The following PCDH9 variants were observed in gnomAD, a reference collection of about 807,000 sequenced individuals.
PCDH9 encodes protocadherin 9.
PCDH9 carries 24 observed loss-of-function variants against 70.6 expected under a neutral mutation model. That is an observed-to-expected ratio of 0.34 (90% confidence interval 0.25 to 0.48). PCDH9 has a LOEUF of 0.48. Among genes scored for constraint, PCDH9 ranks in the 20% least tolerant of loss-of-function variants. The probability of loss-of-function intolerance (pLI) is 0.99; values close to 1 mark genes in which losing one functional copy is unlikely to be tolerated. For missense variants in PCDH9, 1,281 were observed against 1,503.6 expected (o/e 0.85, Z 2.45); for synonymous variants, 562 against 558.5 (o/e 1.01, Z -0.09).
At chr13:66,882,422 G>A (rs748044170) in intron 3 of PCDH9, among the ~76,000 whole-genome samples, 1 of 151,944 alleles carries the variant, frequency 6.6e-6, no homozygotes, top group Non-Finnish European at 1.5e-5. Context: ...TAACTTAATG[G>A]TTCCTCTCTA....
chr13:66,911,372 T>C (rs1010008095), intron 2 of PCDH9, among the ~76,000 whole-genome samples: 2 of 152,212 alleles, frequency 1.3e-5, no homozygotes, highest in Non-Finnish European at 2.9e-5. Flanking sequence ...GTAATTACTA[T>C]ACTTCTAACC....
intron 3 of PCDH9, among the ~76,000 whole-genome samples, chr13:66,863,425 T>C (rs2081516359): frequency 6.6e-6 from 1 of 152,220 alleles, no homozygotes. Context: ...GTTGTTTAAA[T>C]AAAACGTATG....
chr13:66,746,394 A>T (rs1315021565), intron 3 of PCDH9, among the ~76,000 whole-genome samples: 2 of 152,200 alleles, frequency 1.3e-5, no homozygotes, highest in East Asian at 3.8e-4. Context: ...TGAAACAATC[A>T]TGAATAAAGA....
At chr13:66,909,620 T>C (rs2082424538) in intron 2 of PCDH9, among the ~76,000 whole-genome samples, 1 of 151,920 alleles carries the variant, frequency 6.6e-6, no homozygotes, top group African/African-American at 2.4e-5. Context: ...ATACAAAAAA[T>C]TAGCCGGGCG....
chr13:66,835,661 A>G (rs1042359396), intron 3 of PCDH9, among the ~76,000 whole-genome samples: 2 of 152,126 alleles, frequency 1.3e-5, no homozygotes, highest in African/African-American at 4.8e-5. Flanking sequence ...ACCACCCAAC[A>G]ATTTTTTTTT....
intron 3 of PCDH9, among the ~76,000 whole-genome samples, chr13:66,687,862 G>A (rs1014416147): frequency 2.0e-5 from 3 of 152,044 alleles, no homozygotes; most frequent in African/African-American, 7.2e-5. Context: ...AGATCTTGAT[G>A]TTCCTGTTGC....
At chr13:66,538,102 C>T (rs967316329) in intron 4 of PCDH9, among the ~76,000 whole-genome samples, 2 of 152,040 alleles carry the variant, frequency 1.3e-5, no homozygotes, top group Non-Finnish European at 2.9e-5. Context: ...AAAAGTCTTT[C>T]GTGCTAGTGG....
chr13:67,141,771 G>A, intron 2 of PCDH9, among the ~76,000 whole-genome samples: 1 of 145,602 alleles, frequency 6.9e-6, no homozygotes, highest in African/African-American at 2.5e-5. Context: ...AAAAAAAGAA[G>A]TTGGGAAACA....
chr13:66,327,586 A>C (rs1662050618), intron 4 of PCDH9, among the ~76,000 whole-genome samples: 1 of 152,236 alleles, frequency 6.6e-6, no homozygotes, highest in Admixed American at 6.5e-5. Context: ...TCCTCATGAA[A>C]GGCAGTGTGG....
chr13:66,660,320 GT>G (rs1387047272), intron 3 of PCDH9, among the ~76,000 whole-genome samples: 2 of 151,350 alleles, frequency 1.3e-5, no homozygotes, highest in Non-Finnish European at 2.9e-5. Context: ...TTTACTGTGA[GT>G]TTCCTTTTTT....
At chr13:66,725,731 G>T (rs2078997439) in intron 3 of PCDH9, among the ~76,000 whole-genome samples, 1 of 152,138 alleles carries the variant, frequency 6.6e-6, no homozygotes. Context: ...GGGTTCAAAT[G>T]AAAATCAAAA....
intron 3 of PCDH9, among the ~76,000 whole-genome samples, chr13:66,854,081 T>TA (rs2081357050): frequency 6.6e-6 from 1 of 152,218 alleles, no homozygotes; most frequent in African/African-American, 2.4e-5. Context: ...GCTGTTCTTT[T>TA]AGCTACTAGT....
chr13:66,651,775 C>T (rs146422640), intron 3 of PCDH9, among the ~76,000 whole-genome samples: 1 of 152,040 alleles, frequency 6.6e-6, no homozygotes, highest in Non-Finnish European at 1.5e-5. Flanking sequence ...AAAATGCTAG[C>T]AAATCAAGTT....
At chr13:66,942,248 C>T (rs1028762401) in intron 2 of PCDH9, among the ~76,000 whole-genome samples, 2 of 151,560 alleles carry the variant, frequency 1.3e-5, no homozygotes, top group African/African-American at 4.8e-5. Flanking sequence ...TAGTTTCTTC[C>T]TCAATAGTTT....
chr13:67,014,325 C>T (rs1594392193), intron 2 of PCDH9, among the ~76,000 whole-genome samples: 1 of 152,050 alleles, frequency 6.6e-6, no homozygotes, highest in African/African-American at 2.4e-5. Context: ...AGCCCAGGCA[C>T]AGTCTTATAC....
intron 3 of PCDH9, among the ~76,000 whole-genome samples, chr13:66,656,638 G>T (rs1270108752): frequency 3.9e-5 from 6 of 152,014 alleles, no homozygotes; most frequent in African/African-American, 1.4e-4. Flanking sequence ...GGGATGGTGG[G>T]GTGGGGGGGC....
At chr13:66,696,543 T>C (rs1396170465) in intron 3 of PCDH9, among the ~76,000 whole-genome samples, 3 of 152,170 alleles carry the variant, frequency 2.0e-5, no homozygotes, top group Admixed American at 2.0e-4. Context: ...CTACATGATA[T>C]ATCTCAGTTT....
At chr13:66,823,529 A>G (rs2139386166) in intron 3 of PCDH9, among the ~76,000 whole-genome samples, 1 of 152,152 alleles carries the variant, frequency 6.6e-6, no homozygotes, top group East Asian at 1.9e-4. Context: ...GCAAAAATAG[A>G]CAGAGTTTTA....
chr13:66,537,095 G>A (rs1005472092), intron 4 of PCDH9, among the ~76,000 whole-genome samples: 1 of 152,106 alleles, frequency 6.6e-6, no homozygotes, highest in Admixed American at 6.6e-5. Context: ...GAGGATAACT[G>A]AATGCATAGC....
Sources: gnomAD v4.1 joint callset for allele counts (sites outside exome capture counted in the v4.1 genomes callset) on GRCh38, gnomAD v4.1.1 for gene constraint, MANE v1.5 for transcripts, NCBI Gene and HGNC (gene_info 2026-07-23, HGNC 2026-07-21) for gene names.